The following ARID4B variants were observed in gnomAD, a reference collection of about 807,000 sequenced individuals.
ARID4B encodes AT-rich interactive domain-containing protein 4B.
In ARID4B, 26 loss-of-function variants were observed where a neutral mutation model predicts 147.5. That is an observed-to-expected ratio of 0.18 (90% CI 0.13 to 0.24). ARID4B has a LOEUF of 0.24. Ranked by LOEUF, ARID4B falls within the 10% of genes least tolerant of loss-of-function variation. ARID4B has a pLI of 1.00. For synonymous variants in ARID4B, 512 were observed against 507.9 expected (o/e 1.01, Z -0.11); for missense variants, 1,179 against 1,511.5 (o/e 0.78, Z 3.65).
At chr1:235,258,035 GA>G (rs1410344442) in intron 3 of ARID4B, among the ~76,000 whole-genome samples, 2 of 151,992 alleles carry the variant, frequency 1.3e-5, no homozygotes, top group South Asian at 2.1e-4. Flanking sequence ...TTGTTGATAA[GA>G]AAACTGAGAA....
rs1190454484 is a variant in ARID4B, at chr1:235,191,587, C to T, written c.2125+2426G>A. On this transcript the variant is annotated intron_variant, in intron 19 of 23. Transcript: ENST00000264183. ...GTCAGATATTCTAACTGTAGTGGAC[C>T]CCTAGGTTTATCAGAACTGGCTTAT... Among the ~76,000 whole-genome samples, 3 of 151,876 alleles carry T rather than the reference C, an allele frequency of 2.0e-5. No homozygotes were observed. The East Asian group carries it at 5.8e-4, about 29-fold the overall frequency.
intron 2 of ARID4B, among the ~76,000 whole-genome samples, chr1:235,304,094 C>T (rs552758214): frequency 6.6e-6 from 1 of 152,192 alleles, no homozygotes; most frequent in Non-Finnish European, 1.5e-5. Context: ...CGGTGGCTCA[C>T]GCCTATTATC....
chr1:235,294,702 C>T (rs112781715), intron 2 of ARID4B, among the ~76,000 whole-genome samples: 33 of 151,200 alleles, frequency 2.2e-4, no homozygotes, highest in African/African-American at 5.8e-4. Context: ...TTAGTAGAGA[C>T]GGGGTTTCAC....
chr1:235,217,012 G>A (rs1381294911), intron 16 of ARID4B, among the ~76,000 whole-genome samples: 1 of 152,044 alleles, frequency 6.6e-6, no homozygotes, highest in Non-Finnish European at 1.5e-5. Context: ...CTGAGTTGAT[G>A]AATACAAACA....
intron 3 of ARID4B, among the ~76,000 whole-genome samples, chr1:235,259,571 C>G (rs1670175646): frequency 6.6e-6 from 1 of 152,174 alleles, no homozygotes; most frequent in Non-Finnish European, 1.5e-5. Flanking sequence ...TGGGGAATAC[C>G]AGTGTGTGAA....
intron 2 of ARID4B, among the ~76,000 whole-genome samples, chr1:235,289,977 C>T (rs563054920): frequency 1.3e-5 from 2 of 151,506 alleles, no homozygotes; most frequent in South Asian, 2.1e-4. Context: ...TTGCAGTGTG[C>T]CCCTATCATG....
At chr1:235,172,520 G>C (rs1663439714) in intron 23 of ARID4B, 98 bp downstream of exon 23, 1 of 795,880 alleles carries the variant, frequency 1.3e-6, no homozygotes. Flanking sequence ...GGAGGTTGCA[G>C]TGAGCCGAGA....
At chr1:235,191,402 C>T (rs1365739622) in intron 19 of ARID4B, among the ~76,000 whole-genome samples, 2 of 152,008 alleles carry the variant, frequency 1.3e-5, no homozygotes, top group Non-Finnish European at 2.9e-5. Flanking sequence ...GCACCCACCA[C>T]CACACCCGGC....
intron 8 of ARID4B, among the ~76,000 whole-genome samples, chr1:235,238,071 G>A (rs567763020): frequency 6.0e-5 from 9 of 150,676 alleles, no homozygotes; most frequent in Non-Finnish European, 1.3e-4. Context: ...TTGAACCTGG[G>A]AGGCGGAGTT....
chr1:235,173,112 G>A (rs766882180), intron 22 of ARID4B, among the ~76,000 whole-genome samples: 1 of 152,132 alleles, frequency 6.6e-6, no homozygotes, highest in Non-Finnish European at 1.5e-5. Context: ...TTGGGAGGCC[G>A]AGGTGGGCGG....
intron 17 of ARID4B, among the ~76,000 whole-genome samples, chr1:235,213,498 A>G (rs1248331940): frequency 1.3e-5 from 2 of 152,194 alleles, no homozygotes; most frequent in African/African-American, 4.8e-5. Context: ...GATCATTTCA[A>G]CAATGTTTTG....
chr1:235,223,487 T>C (rs538733719), intron 12 of ARID4B, among the ~76,000 whole-genome samples: 264 of 148,938 alleles, frequency 1.8e-3, no homozygotes, highest in African/African-American at 6.1e-3. Context: ...AATAAGCCCA[T>C]GGCCACTTTA....
At chr1:235,289,170 A>G (rs547369441) in intron 2 of ARID4B, among the ~76,000 whole-genome samples, 1 of 152,258 alleles carries the variant, frequency 6.6e-6, no homozygotes, top group Non-Finnish European at 1.5e-5. Context: ...AGCTAAATTC[A>G]AAGTGACATA....
rs868127922 is a variant in ARID4B at position 235,302,291 on chromosome 1, G to A, written c.6+24623C>T. 4.5e-3 allele frequency among the ~76,000 whole-genome samples: 615 copies of A among 137,982 alleles called. 9 individuals are homozygous for A. Among genetic ancestry groups the A allele is most frequent in the African/African-American group, 0.016 (587 of 37,106 alleles). 90.5% of individuals were successfully genotyped at this position (137,982 alleles called of 152,430 possible). A position where few individuals can be genotyped will look rare whatever the true frequency, so the allele number is the denominator to read the frequency against. On this transcript the variant is annotated intron_variant, in intron 2 of 23. Coordinates refer to ENST00000264183, the MANE Select transcript of ARID4B (RefSeq NM_016374.6). ...GGGAGGGAGGGGAGGAAGGAAGGAA[G>A]GAAGGAAAAAGGGAAAGGGAAGTGG...
intron 2 of ARID4B, among the ~76,000 whole-genome samples, chr1:235,301,345 C>T (rs971492463): frequency 3.3e-5 from 5 of 151,560 alleles, no homozygotes; most frequent in Admixed American, 3.3e-4. Flanking sequence ...TGAGACCAGC[C>T]TGGGCAACAT....
At chr1:235,226,918 G>A (rs1196886435) in intron 11 of ARID4B, among the ~76,000 whole-genome samples, 3 of 151,920 alleles carry the variant, frequency 2.0e-5, no homozygotes, top group Admixed American at 6.6e-5. Context: ...ATCCGCTAGC[G>A]TCAGCTTCCC....
At chr1:235,269,114 G>C (rs1015953510) in intron 2 of ARID4B, among the ~76,000 whole-genome samples, 1 of 152,046 alleles carries the variant, frequency 6.6e-6, no homozygotes, top group Non-Finnish European at 1.5e-5. Context: ...TTAAAAAGTT[G>C]GTAACAAATT....
chr1:235,263,739 C>A (rs1054030757), intron 2 of ARID4B, among the ~76,000 whole-genome samples: 3 of 151,530 alleles, frequency 2.0e-5, no homozygotes, highest in African/African-American at 7.3e-5. Context: ...TGTAATCCCA[C>A]CACTTTGGGA....
intron 2 of ARID4B, among the ~76,000 whole-genome samples, chr1:235,280,196 ACT>A (rs952437289): frequency 3.6e-4 from 55 of 152,190 alleles, no homozygotes; most frequent in African/African-American, 9.6e-4. Context: ...CATTTGTATT[ACT>A]CTTACTCCAC....
Sources: gnomAD v4.1 joint callset for allele counts (sites outside exome capture counted in the v4.1 genomes callset) on GRCh38, gnomAD v4.1.1 for gene constraint, MANE v1.5 for transcripts, NCBI Gene and HGNC (gene_info 2026-07-23, HGNC 2026-07-21) for gene names.